The following KLHL29 variants were observed in gnomAD, a reference collection of about 807,000 sequenced individuals.
The protein encoded by KLHL29 is kelch-like protein 29.
Under a neutral mutation model 80.4 loss-of-function variants are expected in KLHL29, and 21 were observed. The ratio of observed to expected loss-of-function variants is 0.26; its 90% CI spans 0.19 to 0.38. The LOEUF (loss-of-function observed/expected upper bound fraction) is 0.38, where lower values mean the gene tolerates loss of function less well. Among genes scored for constraint, KLHL29 ranks in the 10% least tolerant of loss-of-function variants. The probability of loss-of-function intolerance (pLI) is 1.00; values close to 1 mark genes in which losing one functional copy is unlikely to be tolerated. For synonymous variants in KLHL29, 511 were observed against 526.8 expected (o/e 0.97, Z 0.41); for missense variants, 867 against 1,223.9 (o/e 0.71, Z 4.35).
intron 1 of KLHL29, among the ~76,000 whole-genome samples, chr2:23,387,080 C>T (rs1194981741): frequency 6.6e-6 from 1 of 152,180 alleles, no homozygotes; most frequent in Admixed American, 6.5e-5. Context: ...TGCAAACGTT[C>T]TCCTCCCTCC....
intron 1 of KLHL29, among the ~76,000 whole-genome samples, chr2:23,390,884 C>T (rs1666304445): frequency 1.3e-5 from 2 of 152,134 alleles, no homozygotes; most frequent in African/African-American, 4.8e-5. Context: ...GAACTCCTGA[C>T]CTCAGGTGAT....
chr2:23,594,751 C>T (rs1472962637), intron 3 of KLHL29, among the ~76,000 whole-genome samples: 1 of 152,190 alleles, frequency 6.6e-6, no homozygotes, highest in Admixed American at 6.5e-5. Context: ...TTTCAAAATT[C>T]ATGTAGTGAA....
At chr2:23,459,683 C>A (rs764487760) in intron 1 of KLHL29, among the ~76,000 whole-genome samples, 1 of 152,190 alleles carries the variant, frequency 6.6e-6, no homozygotes, top group Non-Finnish European at 1.5e-5. Context: ...TCTGACTTGT[C>A]GGTGCATGCA....
intron 2 of KLHL29, among the ~76,000 whole-genome samples, chr2:23,557,342 T>G (rs1667323349): frequency 6.6e-6 from 1 of 152,166 alleles, no homozygotes; most frequent in African/African-American, 2.4e-5. Flanking sequence ...GCAACTCCTT[T>G]CTTTCATGAC....
At chr2:23,497,406 G>A (rs141330637) in intron 2 of KLHL29, among the ~76,000 whole-genome samples, 181 of 152,216 alleles carry the variant, frequency 1.2e-3, no homozygotes, top group African/African-American at 4.1e-3. Context: ...AGCAGTGCAC[G>A]TGCTCTGGAG....
intron 2 of KLHL29, among the ~76,000 whole-genome samples, chr2:23,558,549 A>G (rs1279855503): frequency 6.6e-6 from 1 of 152,018 alleles, no homozygotes; most frequent in Non-Finnish European, 1.5e-5. Context: ...TTACAGATGC[A>G]CACCACCATG....
At chr2:23,509,129 G>A (rs1056704604) in intron 2 of KLHL29, among the ~76,000 whole-genome samples, 2 of 152,212 alleles carry the variant, frequency 1.3e-5, no homozygotes, top group African/African-American at 4.8e-5. Flanking sequence ...GATGGTGGGT[G>A]CTCCAGATAT....
chr2:23,427,675 T>C (rs1017703083), intron 1 of KLHL29, among the ~76,000 whole-genome samples: 3 of 152,238 alleles, frequency 2.0e-5, no homozygotes, highest in Non-Finnish European at 4.4e-5. Flanking sequence ...CTCAATTGGC[T>C]AAACATAGTA....
At chr2:23,530,082 A>C (rs562430107) in intron 2 of KLHL29, among the ~76,000 whole-genome samples, 3 of 152,248 alleles carry the variant, frequency 2.0e-5, no homozygotes, top group Admixed American at 2.0e-4. Context: ...TATTACCCCC[A>C]TTTAAGGGAT....
intron 5 of KLHL29, among the ~76,000 whole-genome samples, chr2:23,673,369 G>A (rs1041463458): frequency 1.3e-5 from 2 of 151,186 alleles, no homozygotes; most frequent in South Asian, 4.2e-4. Context: ...CATACACAGG[G>A]TGCATGCACA....
chr2:23,675,170 A>C (rs539372645), intron 5 of KLHL29, among the ~76,000 whole-genome samples: 1 of 152,210 alleles, frequency 6.6e-6, no homozygotes, highest in South Asian at 2.1e-4. Context: ...GAATATTCCC[A>C]TCACCCCTCG....
chr2:23,691,534 G>A, intron 6 of KLHL29, 140 bp from the exon 7 acceptor site: 4 of 659,184 alleles, frequency 6.1e-6, no homozygotes, highest in Non-Finnish European at 2.7e-6. Flanking sequence ...ACAGCATTAG[G>A]TTCAGGTGTG....
At chr2:23,553,105 C>T (rs117033675) in intron 2 of KLHL29, among the ~76,000 whole-genome samples, 1 of 152,218 alleles carries the variant, frequency 6.6e-6, no homozygotes, top group Non-Finnish European at 1.5e-5. Flanking sequence ...TGCCTCCCCT[C>T]TTTCCCCAGC....
In KLHL29 at chr2:23,596,888, T is replaced by G. The variant is rs769964827; in HGVS notation, c.285+34407T>G. Among the ~76,000 whole-genome samples, 73 of 152,194 alleles carry G rather than the reference T, an allele frequency of 4.8e-4. No individual in the cohort carries two copies. The highest frequency in any genetic ancestry group is 7.8e-4 in the Non-Finnish European group (53 of 68,032). On this transcript the variant is annotated intron_variant, in intron 3 of 13. Transcript: ENST00000486442. The surrounding 1 kb of genome is among the most constrained non-coding windows in gnomAD (Gnocchi z 4.4). ...CTCATGGCACTCATGTAAGTGCTAC[T>G]TCTGGAGTGGTCCCAGCCAGATAGG...
intron 5 of KLHL29, among the ~76,000 whole-genome samples, chr2:23,655,528 A>G (rs1260865500): frequency 6.6e-6 from 1 of 152,152 alleles, no homozygotes. Context: ...TGGGAGCTCC[A>G]CAGATGTCAT....
chr2:23,659,286 C>T (rs1163588007), intron 5 of KLHL29, among the ~76,000 whole-genome samples: 1 of 152,224 alleles, frequency 6.6e-6, no homozygotes, highest in Non-Finnish European at 1.5e-5. Context: ...TCCAGACACT[C>T]TTCTAGCATG....
At chr2:23,469,487 T>G (rs549585341) in intron 1 of KLHL29, among the ~76,000 whole-genome samples, 98 of 152,320 alleles carry the variant, frequency 6.4e-4, no homozygotes, top group African/African-American at 2.2e-3. Flanking sequence ...CGAAGCATCC[T>G]TATGAAAAGC....
At position 23,647,657 on chromosome 2, in the gene KLHL29, A is replaced by T. The variant is rs923658589; in HGVS notation, c.940+4807A>T. ...TACGGTGCTGCCAGAGTGATTTTTC[A>T]AAATGCAGGTCTGGCCCTGCCACAC... On this transcript the variant is annotated intron_variant, in intron 5 of 13. Coordinates refer to ENST00000486442, the MANE Select transcript of KLHL29 (RefSeq NM_052920.2). This position sits in a 1 kb window ranked among gnomAD's most constrained non-coding sequence, Gnocchi z 4.9. Among the ~76,000 whole-genome samples the T allele has an allele frequency of 6.6e-6, 1 of 152,072 alleles. No homozygotes were observed. The highest frequency in any genetic ancestry group is 2.4e-5 in the African/African-American group (1 of 41,402).
In KLHL29 at chr2:23,610,661, C is replaced by T. The variant is rs536195732; in HGVS notation, c.286-28478C>T. 3.4e-4 allele frequency among the ~76,000 whole-genome samples: 52 copies of T among 152,354 alleles called. 1 individual carries two copies. Among genetic ancestry groups the T allele is most frequent in the South Asian group, 1.9e-3 (9 of 4,826 alleles). On this transcript the variant is annotated intron_variant, in intron 3 of 13. Coordinates refer to ENST00000486442, the MANE Select transcript of KLHL29 (RefSeq NM_052920.2). The stretch of plus-strand genomic sequence containing the variant: ...GACTTGTCCTTTGCAAGGCTTGGTC[C>T]TGGGACAAGAAATAGCCCTGTGTGG...
Sources: gnomAD v4.1 joint callset for allele counts (sites outside exome capture counted in the v4.1 genomes callset) on GRCh38, gnomAD v4.1.1 for gene constraint, Gnocchi (gnomAD v3.1) non-coding constraint, MANE v1.5 for transcripts, NCBI Gene and HGNC (gene_info 2026-07-23, HGNC 2026-07-21) for gene names.